ABLIM1: variants seen among roughly 807,000 people sequenced by gnomAD.
ABLIM1 encodes the protein actin-binding LIM protein 1.
Under a neutral mutation model 107.0 loss-of-function variants are expected in ABLIM1, and 40 were observed. The observed-to-expected ratio is 0.37, with a 90% CI of 0.29 to 0.49. The LOEUF (loss-of-function observed/expected upper bound fraction) is 0.49. Among genes scored for constraint, ABLIM1 ranks in the 20% least tolerant of loss-of-function variants. The pLI is 0.97. For missense variants in ABLIM1, 857 were observed against 1,008.5 expected (o/e 0.85, Z 2.04); for synonymous variants, 357 against 357.3 (o/e 1.00, Z 0.01).
intron 6 of ABLIM1, among the ~76,000 whole-genome samples, chr10:114,507,488 C>T (rs1031710239): frequency 7.2e-5 from 11 of 152,226 alleles, no homozygotes; most frequent in African/African-American, 2.7e-4. Context: ...AAGAAAGAGA[C>T]ACACAATTCA....
intron 6 of ABLIM1, among the ~76,000 whole-genome samples, chr10:114,523,836 C>T (rs1431334747): frequency 6.6e-6 from 1 of 152,198 alleles, no homozygotes; most frequent in African/African-American, 2.4e-5. Context: ...TGAGCAGGCA[C>T]TGTGCTATAT....
chr10:114,671,632 T>C (rs1047421538), intron 1 of ABLIM1, among the ~76,000 whole-genome samples: 2 of 152,244 alleles, frequency 1.3e-5, no homozygotes, highest in Non-Finnish European at 2.9e-5. Context: ...TACTTAGTAT[T>C]GTCAGACCTT....
Position 114,439,266 on chromosome 10 carries a change from C to T in ABLIM1, c.2068-16G>A. On this transcript the variant is annotated splice_polypyrimidine_tract_variant and intron_variant, in intron 20 of 22. Transcript: ENST00000533213. ...CTGGGAGTGTCTGCAACAGAAATGC[C>T]AGTTCCAGGTGAGGCATGAAATAGT... The T allele has an allele frequency of 6.2e-7, 1 of 1,614,150 alleles. No homozygotes were observed. The highest frequency in any genetic ancestry group is 8.5e-7 in the Non-Finnish European group (1 of 1,180,002).
intron 1 of ABLIM1, among the ~76,000 whole-genome samples, chr10:114,737,970 A>G (rs1340520463): frequency 6.6e-6 from 1 of 152,216 alleles, no homozygotes; most frequent in Non-Finnish European, 1.5e-5. Context: ...TTTACTAAAA[A>G]AATTTACTAA....
intron 1 of ABLIM1, among the ~76,000 whole-genome samples, chr10:114,654,773 T>C (rs956861463): frequency 2.6e-4 from 40 of 152,236 alleles, no homozygotes; most frequent in Non-Finnish European, 4.4e-5. Flanking sequence ...GAGCCTCCTC[T>C]TCACAGATCT....
intron 1 of ABLIM1, among the ~76,000 whole-genome samples, chr10:114,671,658 C>A (rs74366846): frequency 2.6e-5 from 4 of 152,170 alleles, no homozygotes; most frequent in Non-Finnish European, 4.4e-5. Context: ...TTTACCCATG[C>A]TGATAGACAT....
At chr10:114,780,551 G>GCT in the ABLIM1 span, among the ~76,000 whole-genome samples, 2 of 151,852 alleles carry the variant, frequency 1.3e-5, no homozygotes, top group East Asian at 1.9e-4. Context: ...TGGGGATTTG[G>GCT]CTCTCTCTCT....
intron 1 of ABLIM1, chr10:114,631,900 A>T (rs1339363900): frequency 3.8e-6 from 5 of 1,304,126 alleles, no homozygotes; most frequent in Non-Finnish European, 5.1e-6. Context: ...ATTTATAATT[A>T]CCTTTTTCCT....
intron 6 of ABLIM1, among the ~76,000 whole-genome samples, chr10:114,538,144 T>C (rs920371729): frequency 7.9e-5 from 12 of 152,234 alleles, no homozygotes; most frequent in Admixed American, 7.2e-4. Context: ...ATTTATAATG[T>C]GAATTCACCT....
chr10:114,485,363 A>C (rs1436994875), intron 8 of ABLIM1: 1 of 1,612,768 alleles, frequency 6.2e-7, no homozygotes, highest in African/African-American at 1.3e-5. Flanking sequence ...CGGATGAAGA[A>C]CGCCGAATGT....
At chr10:114,547,609 G>A (rs962235059) in intron 5 of ABLIM1, 41 bp downstream of exon 5, 19 of 1,609,686 alleles carry the variant, frequency 1.2e-5, no homozygotes, top group Non-Finnish European at 1.6e-5. Flanking sequence ...CACAACGCCC[G>A]GTGCCCACTG....
chr10:114,691,389 A>C (rs1053413832), intron 1 of ABLIM1, among the ~76,000 whole-genome samples: 1 of 152,236 alleles, frequency 6.6e-6, no homozygotes, highest in African/African-American at 2.4e-5. Flanking sequence ...AACAGTTTTT[A>C]CATTTGCATA....
intron 2 of ABLIM1, among the ~76,000 whole-genome samples, chr10:114,592,963 G>C (rs1204467004): frequency 1.3e-5 from 2 of 152,102 alleles, no homozygotes; most frequent in African/African-American, 4.8e-5. Flanking sequence ...GGAATGCAGA[G>C]AAGTACAGAC....
At chr10:114,562,700 CTTCA>C (rs1286729606) in intron 4 of ABLIM1, among the ~76,000 whole-genome samples, 1 of 152,170 alleles carries the variant, frequency 6.6e-6, no homozygotes, top group Non-Finnish European at 1.5e-5. Context: ...CAAACTGCAT[CTTCA>C]TTCAAACAGC....
At chr10:114,474,322 T>G (rs1040307877) in intron 8 of ABLIM1, among the ~76,000 whole-genome samples, 1 of 151,768 alleles carries the variant, frequency 6.6e-6, no homozygotes, top group Non-Finnish European at 1.5e-5. Flanking sequence ...CCTGTGAGTT[T>G]TCTGCCTTCT....
intron 1 of ABLIM1, among the ~76,000 whole-genome samples, chr10:114,634,354 G>T (rs1045533274): frequency 6.6e-6 from 1 of 150,746 alleles, no homozygotes. Context: ...GGATGGTCTC[G>T]ATCTCCTGAC....
chr10:114,679,847 C>G, intron 1 of ABLIM1, among the ~76,000 whole-genome samples: 1 of 152,062 alleles, frequency 6.6e-6, no homozygotes. Context: ...TGCGAGAAGA[C>G]ACTATCTGCC....
At chr10:114,511,846 G>A (rs772467808) in intron 6 of ABLIM1, among the ~76,000 whole-genome samples, 3 of 152,112 alleles carry the variant, frequency 2.0e-5, no homozygotes, top group Non-Finnish European at 2.9e-5. Context: ...CCAGCTGTTC[G>A]GAGCATCATT....
upstream of ABLIM1, among the ~76,000 whole-genome samples, chr10:114,771,552 A>G (rs2083025369): frequency 2.0e-5 from 3 of 152,222 alleles, no homozygotes; most frequent in East Asian, 1.9e-4. Flanking sequence ...GGCCACTCAC[A>G]TCATCTCAGA....
Sources: allele counts gnomAD v4.1 joint callset (sites outside exome capture counted in the v4.1 genomes callset), GRCh38; gene constraint gnomAD v4.1.1; transcripts MANE v1.5; gene names NCBI Gene and HGNC (gene_info 2026-07-23, HGNC 2026-07-21).